Variants in ETV7 observed in about 807,000 individuals in gnomAD.
ETV7 encodes the protein transcription factor ETV7.
Under a neutral mutation model 39.1 loss-of-function variants are expected in ETV7, and 43 were observed. That is an observed-to-expected ratio of 1.10 (90% CI 0.86 to 1.42). The LOEUF is 1.42. Ranked by LOEUF, ETV7 falls within the 40% of genes most tolerant of loss-of-function variation. The probability of loss-of-function intolerance (pLI) is 0.00; values close to 1 mark genes in which losing one functional copy is unlikely to be tolerated. For synonymous variants in ETV7, 196 were observed against 176.6 expected, an observed-to-expected ratio of 1.11 and a Z score of -0.87; for missense variants, 432 against 442.3, an observed-to-expected ratio of 0.98 and a Z score of 0.21.
chr6:36,371,615 C>G, intron 4 of ETV7, 55 bp from the exon 5 acceptor site: 1 of 1,404,892 alleles, frequency 7.1e-7, no homozygotes, highest in Non-Finnish European at 9.8e-7. Context: ...GCCTCCCCAA[C>G]TCAATCCCTC....
In ETV7 at chr6:36,371,462, C is replaced by T. The variant is rs769363544; in HGVS notation, c.532G>A (p.Gly178Ser). The T allele has an allele frequency of 6.2e-7, 1 of 1,602,682 alleles. No homozygotes were observed. Among genetic ancestry groups the T allele is most frequent in the Non-Finnish European group, 8.5e-7 (1 of 1,174,450 alleles). ...TSNFGHLDDP[G>S]LARWTPGKEE... Reference sequence around the variant, plus strand: ...TTGCCAGGGGTCCACCTTGCCAGGCCAGGGTCATCCAGGTGGCCGAAGTTG... The same window carrying T: ...TTGCCAGGGGTCCACCTTGCCAGGCTAGGGTCATCCAGGTGGCCGAAGTTG... Residue 178 changes from glycine (G) to serine (S), a missense_variant, in exon 5 of 8, where the codon GGC becomes AGC. Physicochemically the swap from Gly to Ser is moderately conservative, Grantham distance 56. Coordinates refer to ENST00000340181, the MANE Select transcript of ETV7 (RefSeq NM_016135.4).
chr6:36,368,159 C>T (rs1267713132), intron 6 of ETV7, among the ~76,000 whole-genome samples: 1 of 152,164 alleles, frequency 6.6e-6, no homozygotes, highest in African/African-American at 2.4e-5. Context: ...AGTTGTTAGC[C>T]CTCACTGAGC....
chr6:36,383,197 C>T (rs1178175814), intron 2 of ETV7, among the ~76,000 whole-genome samples: 2 of 152,198 alleles, frequency 1.3e-5, no homozygotes, highest in African/African-American at 2.4e-5. Context: ...CTTGGGCAGA[C>T]CCTCATGGCC....
chr6:36,366,652 G>C lies in ETV7; in HGVS notation c.1019C>G (p.Ser340Cys). ...CTGGAGTCCACCTGCCCCTCACGGA[G>C]AGATTTCTGGCCTCTTGTCCTTGAA... ...IEFKDKRPEI[S>C]P The change falls in exon 8 of 8, where the codon TCT becomes TGT. Residue 340 changes from serine (S) to cysteine (C), a missense_variant. Transcript: ENST00000340181. 1 of 1,614,128 alleles carries C rather than the reference G, an allele frequency of 6.2e-7. No individual in the cohort carries two copies. Among genetic ancestry groups the C allele is most frequent in the Non-Finnish European group, 8.5e-7 (1 of 1,180,012 alleles).
downstream of ETV7, among the ~76,000 whole-genome samples, chr6:36,365,988 A>G (rs964510011): frequency 6.6e-6 from 1 of 152,156 alleles, no homozygotes; most frequent in Non-Finnish European, 1.5e-5. Flanking sequence ...CCTGGCCAAC[A>G]TGGTGAAACC....
Position 36,366,610 on chromosome 6 carries a change from C to G in ETV7, c.*35G>C, listed in dbSNP as rs1280799035. 1 of 1,613,944 alleles carries G rather than the reference C, an allele frequency of 6.2e-7. No individual in the cohort carries two copies. Among genetic ancestry groups the G allele is most frequent in the South Asian group, 1.1e-5 (1 of 91,068 alleles). ...CTTCATGGGAGACTCGGTCCCTGCC[C>G]CATCGGTACCGGGTGCCTGGAGTCC... On this transcript the variant is annotated 3_prime_UTR_variant, in exon 8 of 8. Coordinates refer to ENST00000340181, the MANE Select transcript of ETV7 (RefSeq NM_016135.4).
chr6:36,384,336 C>G lies in ETV7; in HGVS notation c.142+1198G>C, dbSNP rs554263651. Among the ~76,000 whole-genome samples the G allele has an allele frequency of 5.2e-4, 79 of 152,170 alleles. 1 individual carries two copies. Among genetic ancestry groups the G allele is most frequent in the Non-Finnish European group, 9.3e-4 (63 of 68,026 alleles). On this transcript the variant is annotated intron_variant, in intron 2 of 7. Coordinates refer to ENST00000340181, the MANE Select transcript of ETV7 (RefSeq NM_016135.4). ...CCTCAAGAGGGGAGGAAATGCCTGT[C>G]CCTAGAAGTGTGCAGGAAGATCTGG...
intron 1 of ETV7, 34 bp downstream of exon 1, chr6:36,387,502 G>A: frequency 6.2e-7 from 1 of 1,613,990 alleles, no homozygotes; most frequent in Non-Finnish European, 8.5e-7. Flanking sequence ...GTGGCTCTGC[G>A]TGCGCGCTGC....
chr6:36,375,731 G>A (rs1031233093), intron 3 of ETV7, 140 bp downstream of exon 3: 19 of 1,343,248 alleles, frequency 1.4e-5, no homozygotes, highest in Non-Finnish European at 1.8e-5. Flanking sequence ...GTATGCAGAG[G>A]GGCATCTGCA....
At chr6:36,385,808 A>G in intron 1 of ETV7, 139 bp from the exon 2 acceptor site, 1 of 833,244 alleles carries the variant, frequency 1.2e-6, no homozygotes. Flanking sequence ...TAAAGGTAGG[A>G]ACCATGTATA....
intron 7 of ETV7, among the ~76,000 whole-genome samples, chr6:36,360,830 T>C (rs7749878): frequency 0.086 from 13,090 of 151,988 alleles, 1,114 homozygotes; most frequent in African/African-American, 0.21. Context: ...AAAAGGGAAG[T>C]TGGAAAAAGA....
chr6:36,372,226 G>A lies in ETV7; in HGVS notation c.434-666C>T, dbSNP rs542597875. ...GCAGAGAGGGGATGCCAGGCAGAGG[G>A]AACAGTAAGTGCAAAGGCCCTGGGG... On this transcript the variant is annotated intron_variant, in intron 4 of 7. Transcript: ENST00000340181. Among the ~76,000 whole-genome samples, 14 of 152,256 alleles carry A rather than the reference G, an allele frequency of 9.2e-5. 1 individual carries two copies. The highest frequency in any genetic ancestry group is 3.1e-4 in the African/African-American group (13 of 41,556).
chr6:36,364,713 G>A (rs1284104652), downstream of ETV7, among the ~76,000 whole-genome samples: 1 of 152,216 alleles, frequency 6.6e-6, no homozygotes, highest in African/African-American at 2.4e-5. Flanking sequence ...CTCCTCAAGT[G>A]CCGCCAAAGT....
chr6:36,367,777 C>T lies in ETV7; in HGVS notation c.808-802G>A, dbSNP rs538287458. Among the ~76,000 whole-genome samples the T allele has an allele frequency of 7.9e-5, 12 of 152,072 alleles. No homozygotes were observed. The South Asian group carries it at 2.3e-3, about 29-fold the overall frequency. On this transcript the variant is annotated intron_variant, in intron 6 of 7. Transcript: ENST00000340181. Reference sequence around the variant, plus strand: ...GGCATCAATTTAAGCCCCAGCTCCACCGCTTGTCAGCTGTGTCACCTTGGA... The same window carrying T: ...GGCATCAATTTAAGCCCCAGCTCCATCGCTTGTCAGCTGTGTCACCTTGGA...
intron 1 of ETV7, among the ~76,000 whole-genome samples, chr6:36,387,261 G>A (rs1006310168): frequency 1.3e-5 from 2 of 152,176 alleles, no homozygotes; most frequent in Non-Finnish European, 2.9e-5. Context: ...GGCGACCAGT[G>A]GTAAGGGGGC....
chr6:36,366,765 A>G lies in ETV7; in HGVS notation c.909-3T>C, dbSNP rs778296350. On this transcript the variant is annotated splice_polypyrimidine_tract_variant and splice_region_variant and intron_variant, in intron 7 of 7. Coordinates refer to ENST00000340181, the MANE Select transcript of ETV7 (RefSeq NM_016135.4). Reference sequence around the variant, plus strand: ...TCTTTCCCGGAGTCTTTAGAAATCTAGAATTCAGGCCCCAACTGCAAATCA... The same window carrying G: ...TCTTTCCCGGAGTCTTTAGAAATCTGGAATTCAGGCCCCAACTGCAAATCA... 35 of 1,614,022 alleles carry G rather than the reference A, an allele frequency of 2.2e-5. No homozygotes were observed. The highest frequency in any genetic ancestry group is 2.5e-5 in the Non-Finnish European group (29 of 1,179,992).
chr6:36,363,593 A>T (rs563941452), downstream of ETV7, among the ~76,000 whole-genome samples: 1 of 152,370 alleles, frequency 6.6e-6, no homozygotes. Context: ...CAAAGCTCCC[A>T]CGGTGTCAAA....
At chr6:36,367,221 T>C (rs1268481456) in intron 6 of ETV7, among the ~76,000 whole-genome samples, 1 of 152,124 alleles carries the variant, frequency 6.6e-6, no homozygotes, top group African/African-American at 2.4e-5. Flanking sequence ...GGTGGGCAGA[T>C]CGCTTGAGGT....
chr6:36,379,606 G>A (rs1238536250), intron 2 of ETV7, among the ~76,000 whole-genome samples: 1 of 151,400 alleles, frequency 6.6e-6, no homozygotes, highest in African/African-American at 2.4e-5. Flanking sequence ...GGCCGGGCGT[G>A]GTGGCTCATG....
Sources: allele counts gnomAD v4.1 joint callset (sites outside exome capture counted in the v4.1 genomes callset), GRCh38; gene constraint gnomAD v4.1.1; transcripts MANE v1.5; gene names NCBI Gene and HGNC (gene_info 2026-07-23, HGNC 2026-07-21).